UNKL: variants seen among roughly 807,000 people sequenced by gnomAD.
The protein encoded by UNKL is putative E3 ubiquitin-protein ligase UNKL.
UNKL carries 60 observed loss-of-function variants against 78.0 expected under a neutral mutation model. The observed-to-expected ratio is 0.77, with a 90% CI of 0.63 to 0.95. UNKL has a LOEUF of 0.95. UNKL is among the 40% of genes least tolerant of loss of function. The pLI is 0.00. For missense variants in UNKL, 1,159 were observed against 1,045.7 expected, an observed-to-expected ratio of 1.11 and a Z score of -1.49; for synonymous variants, 608 against 474.8, an observed-to-expected ratio of 1.28 and a Z score of -3.65.
chr16:1,395,185 T>G (rs1413033296), intron 6 of UNKL, among the ~76,000 whole-genome samples: 6 of 143,498 alleles, frequency 4.2e-5, no homozygotes, highest in African/African-American at 1.6e-4. Context: ...TTTTTTTTTT[T>G]GAGCCAGAGT....
chr16:1,372,518 G>A (rs118157336), intron 10 of UNKL, among the ~76,000 whole-genome samples: 6,070 of 151,456 alleles, frequency 0.04, 178 homozygotes, highest in Middle Eastern at 0.17. Context: ...CCCCAACCCC[G>A]AATGGCAAGC....
Position 1,403,491 on chromosome 16 carries a change from A to G in UNKL, c.288-147T>C. The G allele has an allele frequency of 9.5e-7, 1 of 1,048,830 alleles. No individual in the cohort carries two copies. The highest frequency in any genetic ancestry group is 1.3e-6 in the Non-Finnish European group (1 of 741,176). The allele number at this position is 1,048,830 out of a possible 1,614,324, so 65.0% of individuals were successfully genotyped here. The stretch of plus-strand genomic sequence containing the variant: ...TCCTGTTCTAATCAGAAGGACGGAC[A>G]CACTGGACGCAGCACCTGTCCCCAA... On this transcript the variant is annotated intron_variant, in intron 2 of 14. Transcript: ENST00000389221. This position sits in a 1 kb window ranked among gnomAD's most constrained non-coding sequence, Gnocchi z 4.8.
In UNKL at chr16:1,366,259, C is replaced by A; in HGVS notation, c.2183G>T (p.Gly728Val). ...ATAPECPYCK[G>V]QPLQW ...CTGAGGTCACCACTGCAGGGGCTGG[C>A]CCTTGCAGTAGGGGCACTCAGGTGC... Residue 728 changes from glycine (G) to valine (V), a missense_variant, in exon 15 of 15, where the codon GGC (glycine) becomes GTC (valine). Coordinates refer to ENST00000389221, the MANE Select transcript of UNKL (RefSeq NM_001372107.1). 6.3e-7 allele frequency: 1 copy of A among 1,582,058 alleles called. No individual in the cohort carries two copies. Among genetic ancestry groups the A allele is most frequent in the Admixed American group, 1.8e-5 (1 of 56,240 alleles).
At chr16:1,385,680 C>G (rs1161226447) in intron 9 of UNKL, among the ~76,000 whole-genome samples, 1 of 152,238 alleles carries the variant, frequency 6.6e-6, no homozygotes, top group African/African-American at 2.4e-5. Context: ...AAAAATCAAT[C>G]TGGCACGTGC....
intron 10 of UNKL, among the ~76,000 whole-genome samples, chr16:1,381,339 A>T (rs1340678863): frequency 6.6e-6 from 1 of 152,230 alleles, no homozygotes; most frequent in Non-Finnish European, 1.5e-5. Flanking sequence ...AAAATAAGTG[A>T]CCGGGTGTGG....
chr16:1,374,814 C>T (rs1310494612), intron 10 of UNKL, among the ~76,000 whole-genome samples: 2 of 152,194 alleles, frequency 1.3e-5, no homozygotes, highest in Admixed American at 6.5e-5. Flanking sequence ...ACTCGGCAGC[C>T]AAGGGGCCGC....
In UNKL at chr16:1,367,083, A is replaced by G; in HGVS notation, c.2046+9T>C. On this transcript the variant is annotated intron_variant, in intron 14 of 14. Coordinates refer to ENST00000389221, the MANE Select transcript of UNKL (RefSeq NM_001372107.1). The stretch of plus-strand genomic sequence containing the variant: ...GCTGGCCCCTCACCCTGCCCAGAGC[A>G]GGACTCACGCCGTCCACCGCCTCCA... The G allele has an allele frequency of 6.5e-7, 1 of 1,538,414 alleles. No individual in the cohort carries two copies. The highest frequency in any genetic ancestry group is 1.2e-5 in the South Asian group (1 of 80,976).
Position 1,403,678 on chromosome 16 carries a change from C to G in UNKL, c.288-334G>C, listed in dbSNP as rs1307238153. Among the ~76,000 whole-genome samples, 1 of 152,204 alleles carries G rather than the reference C, an allele frequency of 6.6e-6. No homozygotes were observed. The highest frequency in any genetic ancestry group is 2.4e-5 in the African/African-American group (1 of 41,446). Reference sequence around the variant, plus strand: ...CATCCTTCCTAATGTTCCAAATAAACCTTTAAACCTGTGTGGGAATGAGAG... The same window carrying G: ...CATCCTTCCTAATGTTCCAAATAAAGCTTTAAACCTGTGTGGGAATGAGAG... On this transcript the variant is annotated intron_variant, in intron 2 of 14. Transcript: ENST00000389221. This position sits in a 1 kb window ranked among gnomAD's most constrained non-coding sequence, Gnocchi z 4.8.
At chr16:1,405,582 A>C (rs1272421602) in intron 2 of UNKL, among the ~76,000 whole-genome samples, 2 of 152,000 alleles carry the variant, frequency 1.3e-5, no homozygotes, top group African/African-American at 2.4e-5. Flanking sequence ...ATCTCAAAAA[A>C]AAAAAAGAAA....
chr16:1,379,494 G>T, intron 10 of UNKL: 2 of 985,344 alleles, frequency 2.0e-6, no homozygotes, highest in Non-Finnish European at 2.4e-6. Context: ...GGCCCACCCC[G>T]CGGCTGTCAC....
chr16:1,398,698 T>G (rs1312546072), intron 5 of UNKL: 3 of 279,014 alleles, frequency 1.1e-5, no homozygotes, highest in Non-Finnish European at 4.9e-6. Flanking sequence ...CACCCCCCTC[T>G]CAGGTGCAAA....
At chr16:1,405,691 C>T (rs2037725609) in intron 2 of UNKL, among the ~76,000 whole-genome samples, 1 of 152,030 alleles carries the variant, frequency 6.6e-6, no homozygotes, top group Admixed American at 6.6e-5. Flanking sequence ...CACGGATGCC[C>T]AAGGAGGGGA....
chr16:1,366,258 G>A lies in UNKL; in HGVS notation c.2184C>T (p.Gly728=). 6 of 1,582,062 alleles carry A rather than the reference G, an allele frequency of 3.8e-6. No individual in the cohort carries two copies. The highest frequency in any genetic ancestry group is 1.3e-5 in the African/African-American group (1 of 74,480). The part of the protein sequence containing the change: ...ATAPECPYCK[G]QPLQW The stretch of plus-strand genomic sequence containing the variant: ...GCTGAGGTCACCACTGCAGGGGCTG[G>A]CCCTTGCAGTAGGGGCACTCAGGTG... Residue 728 remains glycine (G), a synonymous_variant, in exon 15 of 15, where the codon GGC becomes GGT. Coordinates refer to ENST00000389221, the MANE Select transcript of UNKL (RefSeq NM_001372107.1).
At chr16:1,375,883 C>T (rs1476897253) in intron 10 of UNKL, among the ~76,000 whole-genome samples, 1 of 152,182 alleles carries the variant, frequency 6.6e-6, no homozygotes, top group East Asian at 1.9e-4. Flanking sequence ...CCCTCCCGGT[C>T]GCTGTCATCC....
rs1034247465 is a variant in UNKL at position 1,401,375 on chromosome 16, G to A, written c.598+193C>T. The A allele has an allele frequency of 6.7e-5, 41 of 608,702 alleles. No individual in the cohort carries two copies. Among genetic ancestry groups the A allele is most frequent in the East Asian group, 6.4e-4 (19 of 29,682 alleles). The allele number at this position is 608,702 out of a possible 1,614,324, so 37.7% of individuals were successfully genotyped here. ...ATTCAGAGCAGGTGCGGGGGAAGGCGCCTGGGCCCAAATCCCACTCGGCAC... is the reference window on the plus strand; with the variant it reads ...ATTCAGAGCAGGTGCGGGGGAAGGCACCTGGGCCCAAATCCCACTCGGCAC... On this transcript the variant is annotated intron_variant, in intron 4 of 14. Transcript: ENST00000389221.
rs2038169213 is a variant in UNKL at position 1,414,070 on chromosome 16, A to G, written c.78-15T>C. 6.5e-7 allele frequency: 1 copy of G among 1,527,294 alleles called. No individual in the cohort carries two copies. Among genetic ancestry groups the G allele is most frequent in the South Asian group, 1.2e-5 (1 of 83,356 alleles). 94.6% of individuals were successfully genotyped at this position (1,527,294 alleles called of 1,614,324 possible). A position where few individuals can be genotyped will look rare whatever the true frequency, so the allele number is the denominator to read the frequency against. ...CCTTCAGGTACCTACAAACACAGAC[A>G]GCGCCGCGGCTCGCTTCCGGCAGCA... On this transcript the variant is annotated splice_polypyrimidine_tract_variant and intron_variant, in intron 1 of 14. Coordinates refer to ENST00000389221, the MANE Select transcript of UNKL (RefSeq NM_001372107.1).
intron 9 of UNKL, 150 bp downstream of exon 9, chr16:1,390,482 A>G: frequency 1.3e-6 from 1 of 758,268 alleles, no homozygotes; most frequent in African/African-American, 1.8e-5. Flanking sequence ...AGCGGACGTC[A>G]ACCAGATGGC....
intron 7 of UNKL, among the ~76,000 whole-genome samples, 156 bp downstream of exon 7, chr16:1,393,975 G>A (rs1438357670): frequency 6.6e-6 from 1 of 152,230 alleles, no homozygotes; most frequent in Non-Finnish European, 1.5e-5. Flanking sequence ...AGCCTCCACG[G>A]GCATGTCAGG....
At chr16:1,396,586 AT>A (rs1256682626) in intron 6 of UNKL, among the ~76,000 whole-genome samples, 4 of 150,688 alleles carry the variant, frequency 2.7e-5, no homozygotes, top group Non-Finnish European at 5.9e-5. Context: ...GAATATATAT[AT>A]TTTTTTCTTT....
Sources: allele counts gnomAD v4.1 joint callset (sites outside exome capture counted in the v4.1 genomes callset), GRCh38; gene constraint gnomAD v4.1.1; non-coding constraint Gnocchi (gnomAD v3.1); transcripts MANE v1.5; gene names NCBI Gene and HGNC (gene_info 2026-07-23, HGNC 2026-07-21).